Variants in MOXD1 observed in about 807,000 individuals in gnomAD.
MOXD1 encodes monooxygenase DBH like 1, also known as DBH-like monooxygenase protein 1.
MOXD1 carries 62 observed loss-of-function variants against 66.6 expected under a neutral mutation model. That is an observed-to-expected ratio of 0.93 (90% CI 0.76 to 1.15). The LOEUF (loss-of-function observed/expected upper bound fraction) is 1.15, where lower values mean the gene tolerates loss of function less well. Among genes scored for constraint, MOXD1 ranks in the 50% most tolerant of loss-of-function variants. MOXD1 has a pLI of 0.00. For missense variants in MOXD1, 847 were observed against 754.6 expected (o/e 1.12, Z -1.44); for synonymous variants, 303 against 281.9 (o/e 1.07, Z -0.75).
At chr6:132,322,147 C>A (rs1005937912) in intron 8 of MOXD1, among the ~76,000 whole-genome samples, 1 of 152,126 alleles carries the variant, frequency 6.6e-6, no homozygotes, top group Non-Finnish European at 1.5e-5. Flanking sequence ...CTTTTTAAAG[C>A]CTTCATTCTC....
intron 10 of MOXD1, among the ~76,000 whole-genome samples, chr6:132,311,851 T>C (rs1179949392): frequency 6.6e-6 from 1 of 152,138 alleles, no homozygotes. Flanking sequence ...GCTTTTGCCT[T>C]CTTTATAACA....
Position 132,392,943 on chromosome 6 carries a change from A to G in MOXD1, c.264+8220T>C, listed in dbSNP as rs201421006. Among the ~76,000 whole-genome samples, 6 of 152,310 alleles carry G rather than the reference A, an allele frequency of 3.9e-5. No homozygotes were observed. In the East Asian group the frequency reaches 9.6e-4, roughly 24 times the overall value. ...GGCCTGTGGCCTTAAGTAAAATCTG[A>G]TTTCTTAACTCCACAGGTCTGCAGG... is the stretch of plus-strand genomic sequence containing the variant. On this transcript the variant is annotated intron_variant, in intron 1 of 11. Transcript: ENST00000367963.
chr6:132,327,711 C>T (rs1356933740), intron 6 of MOXD1, among the ~76,000 whole-genome samples: 2 of 152,156 alleles, frequency 1.3e-5, no homozygotes, highest in Non-Finnish European at 2.9e-5. Context: ...GACTAATCTA[C>T]ATCACAAAGG....
chr6:132,318,520 C>T (rs191828619), intron 9 of MOXD1, among the ~76,000 whole-genome samples: 105 of 152,074 alleles, frequency 6.9e-4, no homozygotes, highest in African/African-American at 2.4e-3. Context: ...TTATTGTATG[C>T]TTCTCTTCTG....
At chr6:132,298,656 A>T (rs1774463269) in intron 10 of MOXD1, among the ~76,000 whole-genome samples, 1 of 152,126 alleles carries the variant, frequency 6.6e-6, no homozygotes, top group South Asian at 2.1e-4. Flanking sequence ...GCCAAAAAAC[A>T]TGAAAAAATG....
chr6:132,373,840 C>T (rs1013876742), intron 2 of MOXD1, among the ~76,000 whole-genome samples: 1 of 152,158 alleles, frequency 6.6e-6, no homozygotes, highest in Non-Finnish European at 1.5e-5. Flanking sequence ...CTTAATAAGT[C>T]AAATGACTAT....
intron 4 of MOXD1, among the ~76,000 whole-genome samples, chr6:132,338,499 T>C (rs1775483990): frequency 6.6e-6 from 1 of 152,176 alleles, no homozygotes; most frequent in African/African-American, 2.4e-5. Context: ...ATGGGACATG[T>C]TCTCCATGGG....
intron 4 of MOXD1, among the ~76,000 whole-genome samples, chr6:132,358,067 C>T (rs989148728): frequency 2.0e-5 from 3 of 152,124 alleles, no homozygotes; most frequent in African/African-American, 7.2e-5. Context: ...TGTGATAGGT[C>T]ATATCTCCAT....
intron 6 of MOXD1, 37 bp from the exon 7 acceptor site, chr6:132,324,134 T>A: frequency 6.3e-7 from 1 of 1,578,698 alleles, no homozygotes; most frequent in Non-Finnish European, 8.6e-7. Flanking sequence ...GATTTTTGGT[T>A]CTTAAAATGT....
intron 1 of MOXD1, 146 bp downstream of exon 1, chr6:132,401,017 G>A (rs1777011576): frequency 1.8e-6 from 2 of 1,092,078 alleles, no homozygotes; most frequent in Non-Finnish European, 2.4e-6. Flanking sequence ...TGCCCGCGGA[G>A]GCGAGAGTGA....
intron 1 of MOXD1, among the ~76,000 whole-genome samples, chr6:132,398,730 A>G (rs1406646137): frequency 1.3e-5 from 2 of 151,894 alleles, no homozygotes; most frequent in Non-Finnish European, 2.9e-5. Flanking sequence ...ACCTGAGGTC[A>G]GGAGTTTGAG....
At chr6:132,397,749 G>A (rs1465405509) in intron 1 of MOXD1, among the ~76,000 whole-genome samples, 1 of 151,848 alleles carries the variant, frequency 6.6e-6, no homozygotes, top group Non-Finnish European at 1.5e-5. Flanking sequence ...CAAAATAAAA[G>A]AACAAACAGA....
chr6:132,332,847 T>C (rs78029613), intron 4 of MOXD1, among the ~76,000 whole-genome samples: 8,092 of 152,248 alleles, frequency 0.053, 750 homozygotes, highest in East Asian at 0.42. Flanking sequence ...TATTCTTCTT[T>C]AGCCAAGGCA....
intron 1 of MOXD1, among the ~76,000 whole-genome samples, chr6:132,382,677 T>A (rs941435587): frequency 6.6e-6 from 1 of 152,180 alleles, no homozygotes; most frequent in African/African-American, 2.4e-5. Flanking sequence ...TTTTGAACAC[T>A]TCGTGCTTTG....
rs1435092105 is a variant in MOXD1 at position 132,372,756 on chromosome 6, T to C, written c.580-65A>G. On this transcript the variant is annotated intron_variant, in intron 3 of 11. Coordinates refer to ENST00000367963, the MANE Select transcript of MOXD1 (RefSeq NM_015529.4). ...TCTCTTAACATGCTCCTGAATACAA[T>C]AATGTAAGCAAAAATGCTCGTATAC... The C allele has an allele frequency of 6.8e-6, 11 of 1,608,046 alleles. 1 individual carries two copies. In the South Asian group the frequency reaches 8.8e-5, roughly 13 times the overall value.
chr6:132,358,791 G>A (rs28385615), intron 4 of MOXD1, among the ~76,000 whole-genome samples: 35,446 of 152,020 alleles, frequency 0.23, 4,645 homozygotes, highest in African/African-American at 0.35. Context: ...AGATTGTGAT[G>A]ACTAAGAGAA....
In MOXD1 at chr6:132,397,612, C is replaced by CAG. The variant is rs58540885; in HGVS notation, c.264+3549_264+3550dup. Among the ~76,000 whole-genome samples, 443 of 137,218 alleles carry CAG rather than the reference C, an allele frequency of 3.2e-3. 1 individual carries two copies. Among genetic ancestry groups the CAG allele is most frequent in the African/African-American group, 5.7e-3 (209 of 36,618 alleles). 90.0% of individuals were successfully genotyped at this position (137,218 alleles called of 152,430 possible). A position where few individuals can be genotyped will look rare whatever the true frequency, so the allele number is the denominator to read the frequency against. On this transcript the variant is annotated intron_variant, in intron 1 of 11. Coordinates refer to ENST00000367963, the MANE Select transcript of MOXD1 (RefSeq NM_015529.4). ...ATTTAAACACACACACACACACTCA[C>CAG]AGAGAGAGAGAGAGAGAGAGAGACA...
intron 6 of MOXD1, among the ~76,000 whole-genome samples, chr6:132,327,545 T>A (rs971280320): frequency 3.3e-5 from 5 of 152,234 alleles, no homozygotes; most frequent in Non-Finnish European, 7.3e-5. Context: ...TTTACTTCAA[T>A]ATCATATTAC....
At chr6:132,315,109 C>G (rs1181938197) in intron 10 of MOXD1, among the ~76,000 whole-genome samples, 1 of 152,194 alleles carries the variant, frequency 6.6e-6, no homozygotes, top group Non-Finnish European at 1.5e-5. Flanking sequence ...CAACTGCTTT[C>G]CATCTGGAAG....
Sources: gnomAD v4.1 joint callset for allele counts (sites outside exome capture counted in the v4.1 genomes callset) on GRCh38, gnomAD v4.1.1 for gene constraint, MANE v1.5 for transcripts, NCBI Gene and HGNC (gene_info 2026-07-23, HGNC 2026-07-21) for gene names.